The following TRIM37 variants were observed in gnomAD, a reference collection of about 807,000 sequenced individuals.
TRIM37 encodes the protein E3 ubiquitin-protein ligase TRIM37.
TRIM37 carries 80 observed loss-of-function variants against 129.8 expected under a neutral mutation model. The ratio of observed to expected loss-of-function variants is 0.62; its 90% confidence interval spans 0.51 to 0.74. TRIM37 has a LOEUF of 0.74. Ranked by LOEUF, TRIM37 falls within the 30% of genes least tolerant of loss-of-function variation. The pLI is 0.00. For synonymous variants in TRIM37, 389 were observed against 387.1 expected, an observed-to-expected ratio of 1.00 and a Z score of -0.06; for missense variants, 1,054 against 1,176.5, an observed-to-expected ratio of 0.90 and a Z score of 1.52.
At chr17:59,088,593 T>C (rs1364042084) in intron 3 of TRIM37, among the ~76,000 whole-genome samples, 186 bp from the exon 4 acceptor site, 1 of 152,060 alleles carries the variant, frequency 6.6e-6, no homozygotes, top group East Asian at 1.9e-4. Flanking sequence ...CATGGTTCAC[T>C]GTAGCCTTGA....
chr17:59,038,658 G>C (rs115460683), intron 17 of TRIM37, among the ~76,000 whole-genome samples: 3 of 152,032 alleles, frequency 2.0e-5, no homozygotes, highest in African/African-American at 7.2e-5. Flanking sequence ...TTATATACAA[G>C]AATCTCTCTA....
chr17:59,070,812 C>T lies in TRIM37; in HGVS notation c.809+11G>A. The T allele has an allele frequency of 6.2e-7, 1 of 1,612,316 alleles. No homozygotes were observed. Among genetic ancestry groups the T allele is most frequent in the Non-Finnish European group, 8.5e-7 (1 of 1,179,090 alleles). Reference sequence around the variant, plus strand: ...TTTCAAATGAAAATGAAATTAAAAACTGTGTCATACCTGGTAAAGTCTGGT... The same window carrying T: ...TTTCAAATGAAAATGAAATTAAAAATTGTGTCATACCTGGTAAAGTCTGGT... On this transcript the variant is annotated intron_variant, in intron 9 of 23. Coordinates refer to ENST00000262294, the MANE Select transcript of TRIM37 (RefSeq NM_015294.6).
chr17:59,009,443 CTTT>C (rs61545184), intron 22 of TRIM37, among the ~76,000 whole-genome samples: 1 of 107,620 alleles, frequency 9.3e-6, no homozygotes, highest in African/African-American at 3.2e-5. Flanking sequence ...AATTTCTTTT[CTTT>C]TTTTTTTTTT....
chr17:59,081,942 A>T (rs1464421450), intron 5 of TRIM37, among the ~76,000 whole-genome samples: 7 of 105,212 alleles, frequency 6.7e-5, no homozygotes, highest in Admixed American at 1.8e-4. Context: ...AAAACCAAAA[A>T]AAAAAAAAAA....
At chr17:59,034,341 G>A (rs556960834) in intron 17 of TRIM37, among the ~76,000 whole-genome samples, 7 of 151,910 alleles carry the variant, frequency 4.6e-5, no homozygotes, top group African/African-American at 1.4e-4. Context: ...TCTCACTACT[G>A]AACAAAAACT....
In TRIM37 at chr17:59,066,671, T is replaced by C. The variant is rs2041944249; in HGVS notation, c.810-2266A>G. On this transcript the variant is annotated intron_variant, in intron 9 of 23. Coordinates refer to ENST00000262294, the MANE Select transcript of TRIM37 (RefSeq NM_015294.6). ...CATTCAGAGCACAGAAAACAGGTAC[T>C]GTGATATACTTTTACATATGTACAT... Among the ~76,000 whole-genome samples, 3 of 152,352 alleles carry C rather than the reference T, an allele frequency of 2.0e-5. No homozygotes were observed. In the South Asian group the frequency reaches 6.2e-4, roughly 32 times the overall value.
chr17:59,015,068 C>T (rs2035745661), intron 21 of TRIM37, among the ~76,000 whole-genome samples: 2 of 141,392 alleles, frequency 1.4e-5, no homozygotes, highest in Admixed American at 7.2e-5. Context: ...CAGAGCGAGA[C>T]TCCATCTCAA....
At chr17:59,093,588 G>A (rs925031538) in intron 2 of TRIM37, among the ~76,000 whole-genome samples, 2 of 152,072 alleles carry the variant, frequency 1.3e-5, no homozygotes, top group African/African-American at 2.4e-5. Context: ...TTATTACGAC[G>A]ACTTATTTGT....
intron 16 of TRIM37, among the ~76,000 whole-genome samples, chr17:59,046,699 G>A (rs1198585613): frequency 6.6e-6 from 1 of 151,492 alleles, no homozygotes; most frequent in African/African-American, 2.4e-5. Flanking sequence ...ACCACACCTG[G>A]CTAATTTCTT....
chr17:58,995,732 C>T (rs1598775012), downstream of TRIM37, among the ~76,000 whole-genome samples: 2 of 152,248 alleles, frequency 1.3e-5, no homozygotes, highest in East Asian at 3.9e-4. Context: ...TGCTAAAATT[C>T]GTAAGCAAGA....
At position 58,987,434 on chromosome 17, in the gene TRIM37, C is replaced by T. The variant is rs184278989; in HGVS notation, c.2892-4513G>A. On this transcript the variant is annotated intron_variant, in intron 24 of 24. Transcript: ENST00000393066. ...AAGGTCTCGGGCAAGGACTCTGGCC[C>T]GCAGGGTCTGCAGAGCAGGAATGGA... Among the ~76,000 whole-genome samples, 90 of 152,226 alleles carry T rather than the reference C, an allele frequency of 5.9e-4. 1 individual carries two copies. Among genetic ancestry groups the T allele is most frequent in the Non-Finnish European group, 1.1e-3 (77 of 68,014 alleles).
In TRIM37 at chr17:59,047,801, C is replaced by T. The variant is rs1188633024; in HGVS notation, c.1549G>A (p.Asp517Asn). 1 of 1,614,098 alleles carries T rather than the reference C, an allele frequency of 6.2e-7. No homozygotes were observed. Among genetic ancestry groups the T allele is most frequent in the Admixed American group, 1.7e-5 (1 of 60,024 alleles). Residue 517 changes from aspartate to asparagine, a missense_variant, in exon 16 of 24, where the codon GAT (aspartate) becomes AAT (asparagine). Coordinates refer to ENST00000262294, the MANE Select transcript of TRIM37 (RefSeq NM_015294.6). ...TCATAAACAAGATCCAGATCCAGAT[C>T]TCCATCTGAAAGCTCGTGCTAGATC... ...EDYHHELSDG[D>N]LDLDLVYEDE...
intron 24 of TRIM37, among the ~76,000 whole-genome samples, chr17:58,987,234 A>G (rs933469335): frequency 7.2e-5 from 11 of 152,232 alleles, no homozygotes; most frequent in Non-Finnish European, 4.4e-5. Context: ...AAGATGATGA[A>G]AAAGTTGTCC....
intron 23 of TRIM37, among the ~76,000 whole-genome samples, chr17:59,000,435 A>G (rs1238711096): frequency 6.6e-6 from 1 of 152,138 alleles, no homozygotes; most frequent in Non-Finnish European, 1.5e-5. Flanking sequence ...CCCTGTCTCT[A>G]CTAAAAATTA....
intron 19 of TRIM37, among the ~76,000 whole-genome samples, chr17:59,022,191 A>G (rs889176581): frequency 6.6e-5 from 10 of 152,206 alleles, no homozygotes; most frequent in Non-Finnish European, 4.4e-5. Context: ...GATTTCACTT[A>G]TGACTATGTA....
intron 5 of TRIM37, among the ~76,000 whole-genome samples, 153 bp from the exon 6 acceptor site, chr17:59,081,372 C>A (rs1339687555): frequency 6.6e-6 from 1 of 152,130 alleles, no homozygotes; most frequent in Non-Finnish European, 1.5e-5. Flanking sequence ...CAGGCCAGTG[C>A]CCGCTTAAAA....
intron 24 of TRIM37, among the ~76,000 whole-genome samples, chr17:58,985,608 C>T (rs548510867): frequency 6.6e-6 from 1 of 152,234 alleles, no homozygotes; most frequent in Admixed American, 6.5e-5. Context: ...CTCCCAAGGA[C>T]TGCTGATAAG....
intron 2 of TRIM37, among the ~76,000 whole-genome samples, chr17:59,091,590 T>TATATTATA (rs1274405293): frequency 7.1e-5 from 3 of 42,540 alleles, no homozygotes. Context: ...GTATAATATA[T>TATATTATA]TATACATTAT....
At chr17:59,020,710 G>C (rs1456677637) in intron 19 of TRIM37, among the ~76,000 whole-genome samples, 1 of 151,998 alleles carries the variant, frequency 6.6e-6, no homozygotes, top group African/African-American at 2.4e-5. Context: ...ATAGCAAACA[G>C]GCATATGAAA....
Sources: gnomAD v4.1 joint callset for allele counts (sites outside exome capture counted in the v4.1 genomes callset) on GRCh38, gnomAD v4.1.1 for gene constraint, MANE v1.5 for transcripts, NCBI Gene and HGNC (gene_info 2026-07-23, HGNC 2026-07-21) for gene names.